The following FAM149A variants were observed in gnomAD, a reference collection of about 807,000 sequenced individuals.
The protein encoded by FAM149A is family with sequence similarity 149 member A.
FAM149A carries 71 observed loss-of-function variants against 78.2 expected under a neutral mutation model. The observed-to-expected ratio is 0.91, with a 90% CI of 0.75 to 1.11. The LOEUF (loss-of-function observed/expected upper bound fraction) is 1.11, where lower values mean the gene tolerates loss of function less well. FAM149A is among the 50% of genes least tolerant of loss of function. The probability of loss-of-function intolerance (pLI) is 0.00; values close to 1 mark genes in which losing one functional copy is unlikely to be tolerated. For missense variants in FAM149A, 1,036 were observed against 971.0 expected, an observed-to-expected ratio of 1.07 and a Z score of -0.89; for synonymous variants, 446 against 410.5, an observed-to-expected ratio of 1.09 and a Z score of -1.04.
chr4:186,149,332 C>T, intron 2 of FAM149A, 49 bp downstream of exon 2: 1 of 1,264,994 alleles, frequency 7.9e-7, no homozygotes, highest in Non-Finnish European at 1.0e-6. Flanking sequence ...ATGCCCGTAA[C>T]AAATGTGGGA....
At chr4:186,165,224 C>G (rs1734936124) in intron 10 of FAM149A, 120 bp from the exon 11 acceptor site, 1 of 1,077,018 alleles carries the variant, frequency 9.3e-7, no homozygotes, top group Non-Finnish European at 1.4e-6. Context: ...TAGCAGAAAT[C>G]AAAGACCTCC....
chr4:186,146,806 G>T (rs141956360), intron 1 of FAM149A: 1 of 985,364 alleles, frequency 1.0e-6, no homozygotes, highest in African/African-American at 1.7e-5. Context: ...GTCAGGTCAC[G>T]ATGTAATCCT....
At chr4:186,117,412 G>A in intron 1 of FAM149A, 1 of 982,792 alleles carries the variant, frequency 1.0e-6, no homozygotes, top group Non-Finnish European at 1.2e-6. Context: ...AATGATCCAA[G>A]AGTGGTTTCA....
At chr4:186,124,771 A>T (rs1383991457) in intron 1 of FAM149A, among the ~76,000 whole-genome samples, 2 of 152,188 alleles carry the variant, frequency 1.3e-5, no homozygotes, top group Non-Finnish European at 2.9e-5. Flanking sequence ...TCCTTTGGGT[A>T]TATACCCAGT....
At chr4:186,154,721 T>C (rs1421453656) in intron 6 of FAM149A, 83 bp downstream of exon 6, 17 of 1,457,586 alleles carry the variant, frequency 1.2e-5, no homozygotes, top group Non-Finnish European at 1.5e-5. Context: ...GCTCATTAAG[T>C]GTTTTGTGTA....
rs768494013 is a variant in FAM149A at position 186,165,484 on chromosome 4, A to G, written c.2010+20A>G. The G allele has an allele frequency of 7.4e-6, 12 of 1,613,394 alleles. No homozygotes were observed. The highest frequency in any genetic ancestry group is 1.7e-5 in the Admixed American group (1 of 59,926). On this transcript the variant is annotated intron_variant, in intron 11 of 13. Transcript: ENST00000389354. ...GTTTCTGTAAGACAGATTTCATTCT[A>G]TTTCAGTGGACCATTTAGGTTCTGT...
chr4:186,120,954 C>G (rs1328960621), intron 1 of FAM149A, among the ~76,000 whole-genome samples: 1 of 146,272 alleles, frequency 6.8e-6, no homozygotes, highest in African/African-American at 2.5e-5. Context: ...CCCGGATTCA[C>G]GCCATTCTCC....
At chr4:186,123,871 A>G (rs2099317084) in intron 1 of FAM149A, 3 of 972,620 alleles carry the variant, frequency 3.1e-6, no homozygotes, top group African/African-American at 3.7e-5. Context: ...TTATGTGACA[A>G]TCACTTTCTT....
chr4:186,116,478 G>T (rs1339010714), intron 1 of FAM149A: 2 of 984,858 alleles, frequency 2.0e-6, no homozygotes, highest in South Asian at 4.7e-5. Flanking sequence ...AGATAATAAT[G>T]AATTCAACTT....
chr4:186,125,020 A>G (rs1202583242), intron 1 of FAM149A, among the ~76,000 whole-genome samples: 12 of 152,048 alleles, frequency 7.9e-5, no homozygotes, highest in Admixed American at 7.9e-4. Flanking sequence ...GCCAGTGATG[A>G]TGAGCATTTT....
chr4:186,167,214 C>T lies in FAM149A; in HGVS notation c.2170C>T (p.Gln724Ter). The change falls in exon 13 of 14, where the codon CAA (glutamine) becomes TAA (stop). Residue 724 changes from glutamine (Q) to a stop codon, truncating the protein, a stop_gained. Coordinates refer to ENST00000389354, the MANE Select transcript of FAM149A (RefSeq NM_001367768.3). LOFTEE classifies it high-confidence loss of function. ...TACGCCTCGAAAAAGTTCATTGACACAAATGGAATTTGCTGCTCACACATG... is the reference window on the plus strand; with the variant it reads ...TACGCCTCGAAAAAGTTCATTGACATAAATGGAATTTGCTGCTCACACATG... 6.2e-7 allele frequency: 1 copy of T among 1,611,504 alleles called. No homozygotes were observed. The highest frequency in any genetic ancestry group is 1.3e-5 in the African/African-American group (1 of 75,016).
At position 186,151,253 on chromosome 4, in the gene FAM149A, A is replaced by G. The variant is rs565984953; in HGVS notation, c.790-650A>G. Among the ~76,000 whole-genome samples, 7 of 152,294 alleles carry G rather than the reference A, an allele frequency of 4.6e-5. No homozygotes were observed. In the East Asian group the frequency reaches 1.4e-3, roughly 29 times the overall value. ...ATCCCTCAAGCCCGCCTTCCTTGGT[A>G]GAAGGCTGAGCACCACTGCTTTACT... On this transcript the variant is annotated intron_variant, in intron 3 of 13. Transcript: ENST00000389354.
intron 1 of FAM149A, among the ~76,000 whole-genome samples, chr4:186,142,009 C>T (rs950570959): frequency 1.3e-5 from 2 of 152,182 alleles, no homozygotes; most frequent in African/African-American, 2.4e-5. Context: ...CTTCCCCAGC[C>T]TTCCCTGGAG....
chr4:186,158,718 A>G (rs1459380525), intron 8 of FAM149A: 3 of 1,019,528 alleles, frequency 2.9e-6, no homozygotes, highest in Admixed American at 5.4e-5. Flanking sequence ...CTGAAGGTGC[A>G]GGTACCCCCT....
intron 10 of FAM149A, among the ~76,000 whole-genome samples, chr4:186,165,085 C>A (rs1734924246): frequency 6.6e-6 from 1 of 152,054 alleles, no homozygotes; most frequent in South Asian, 2.1e-4. Flanking sequence ...TTCCCTCTGA[C>A]CCCCCCACAC....
At chr4:186,116,585 T>G in intron 1 of FAM149A, 1 of 944,742 alleles carries the variant, frequency 1.1e-6, no homozygotes, top group Non-Finnish European at 1.2e-6. Flanking sequence ...TTCTTTGTTG[T>G]TATATTTAAA....
intron 7 of FAM149A, 106 bp from the exon 8 acceptor site, chr4:186,157,459 G>A: frequency 8.6e-7 from 1 of 1,162,566 alleles, no homozygotes; most frequent in East Asian, 2.5e-5. Flanking sequence ...CGTAGCATGG[G>A]CTCGTGGTAG....
chr4:186,118,299 T>G (rs1391707873), intron 1 of FAM149A: 1 of 936,966 alleles, frequency 1.1e-6, no homozygotes, highest in Non-Finnish European at 1.3e-6. Flanking sequence ...TGCTTCTCAA[T>G]GTGTGTGCCA....
chr4:186,125,299 C>T (rs557447597), intron 1 of FAM149A: 642 of 985,374 alleles, frequency 6.5e-4, no homozygotes, highest in Non-Finnish European at 7.4e-4. Flanking sequence ...ACCTGCTTCT[C>T]GAACCATATC....
Sources: allele counts gnomAD v4.1 joint callset (sites outside exome capture counted in the v4.1 genomes callset), GRCh38; gene constraint gnomAD v4.1.1; transcripts MANE v1.5; gene names NCBI Gene and HGNC (gene_info 2026-07-23, HGNC 2026-07-21).